The following BACH2 variants were observed in gnomAD, a reference collection of about 807,000 sequenced individuals.
BACH2 encodes the protein transcription regulator protein BACH2.
Under a neutral mutation model 61.8 loss-of-function variants are expected in BACH2, and 5 were observed. The observed-to-expected ratio is 0.08, with a 90% confidence interval of 0.04 to 0.17. The LOEUF (loss-of-function observed/expected upper bound fraction) is 0.17, where lower values mean the gene tolerates loss of function less well. Ranked by LOEUF, BACH2 falls within the 10% of genes least tolerant of loss-of-function variation. The pLI, the probability that BACH2 is intolerant of heterozygous loss-of-function variation, is 1.00. For synonymous variants in BACH2, 446 were observed against 440.1 expected (o/e 1.01, Z -0.17); for missense variants, 824 against 1,091.1 (o/e 0.76, Z 3.45).
chr6:89,947,938 A>G (rs1481753993), intron 7 of BACH2, among the ~76,000 whole-genome samples: 1 of 152,158 alleles, frequency 6.6e-6, no homozygotes, highest in Admixed American at 6.5e-5. Context: ...CAAGGGGGGA[A>G]GGCTAGTCCT....
intron 4 of BACH2, among the ~76,000 whole-genome samples, chr6:90,202,190 T>C (rs1562501372): frequency 6.6e-6 from 1 of 152,162 alleles, no homozygotes; most frequent in Non-Finnish European, 1.5e-5. Flanking sequence ...AGCTGATGTT[T>C]TACCAACTAG....
intron 5 of BACH2, among the ~76,000 whole-genome samples, chr6:90,010,585 A>G (rs1329443052): frequency 3.9e-5 from 6 of 152,248 alleles, no homozygotes; most frequent in Admixed American, 3.3e-4. Flanking sequence ...GGATGGACAT[A>G]TGCTTTCACT....
At chr6:90,158,761 T>G in intron 4 of BACH2, among the ~76,000 whole-genome samples, 1 of 101,890 alleles carries the variant, frequency 9.8e-6, no homozygotes. Context: ...GTGTCTTCTT[T>G]TGGTGGGGGG....
chr6:90,037,875 C>T (rs1779338949), intron 5 of BACH2, among the ~76,000 whole-genome samples: 1 of 152,144 alleles, frequency 6.6e-6, no homozygotes, highest in Admixed American at 6.5e-5. Flanking sequence ...GACAGAGACA[C>T]AGGGAGAACA....
At chr6:90,247,962 T>A (rs572691997) in intron 3 of BACH2, among the ~76,000 whole-genome samples, 1 of 152,266 alleles carries the variant, frequency 6.6e-6, no homozygotes, top group Non-Finnish European at 1.5e-5. Context: ...TCTTATATGT[T>A]ATACTCATCA....
intron 6 of BACH2, among the ~76,000 whole-genome samples, chr6:90,000,223 C>T (rs150854377): frequency 1.9e-3 from 282 of 152,258 alleles, no homozygotes; most frequent in African/African-American, 6.2e-3. Context: ...GCTGCCTTAC[C>T]GCAACTCCAT....
chr6:90,276,369 C>T (rs1194731901), intron 1 of BACH2, among the ~76,000 whole-genome samples: 1 of 152,174 alleles, frequency 6.6e-6, no homozygotes, highest in African/African-American at 2.4e-5. Context: ...GCCTAGTCTG[C>T]TTAAGATCAA....
intron 3 of BACH2, among the ~76,000 whole-genome samples, chr6:90,243,506 C>T (rs1770527310): frequency 6.6e-6 from 1 of 152,088 alleles, no homozygotes; most frequent in African/African-American, 2.4e-5. Flanking sequence ...CTTTAGATCA[C>T]AAAAGTTTTG....
At chr6:89,942,737 C>T (rs982785056) in intron 7 of BACH2, among the ~76,000 whole-genome samples, 5 of 152,170 alleles carry the variant, frequency 3.3e-5, no homozygotes, top group Non-Finnish European at 5.9e-5. Flanking sequence ...AGTGGAGAAT[C>T]GGAGAATCAG....
chr6:90,149,246 T>C (rs1279883605), intron 4 of BACH2, among the ~76,000 whole-genome samples: 1 of 152,226 alleles, frequency 6.6e-6, no homozygotes, highest in Admixed American at 6.5e-5. Flanking sequence ...CCTACATTTT[T>C]TTCCAGCGCT....
At chr6:90,002,305 C>G (rs964010628) in intron 6 of BACH2, among the ~76,000 whole-genome samples, 1 of 152,218 alleles carries the variant, frequency 6.6e-6, no homozygotes, top group Non-Finnish European at 1.5e-5. Flanking sequence ...TCTATCTCCA[C>G]TCACTTCCTT....
chr6:90,147,656 T>C (rs899566043), intron 4 of BACH2, among the ~76,000 whole-genome samples: 2 of 152,146 alleles, frequency 1.3e-5, no homozygotes, highest in Admixed American at 6.5e-5. Flanking sequence ...ATGTGCCAGA[T>C]AGTCAATTAG....
At chr6:90,208,065 T>A (rs1769212205) in intron 3 of BACH2, among the ~76,000 whole-genome samples, 1 of 152,130 alleles carries the variant, frequency 6.6e-6, no homozygotes, top group Admixed American at 6.5e-5. Context: ...CACATGCGGA[T>A]TAAAGACTTA....
At chr6:90,103,411 G>A (rs1319387154) in intron 4 of BACH2, among the ~76,000 whole-genome samples, 1 of 151,982 alleles carries the variant, frequency 6.6e-6, no homozygotes, top group East Asian at 1.9e-4. Context: ...GCATTATCTG[G>A]TTATCGGAGT....
At chr6:90,295,878 A>C in intron 1 of BACH2, among the ~76,000 whole-genome samples, 1 of 151,962 alleles carries the variant, frequency 6.6e-6, no homozygotes, top group African/African-American at 2.4e-5. Context: ...TTGGGCTTTG[A>C]TTCCCCGCCG....
At chr6:90,070,818 T>C (rs1159226452) in intron 5 of BACH2, among the ~76,000 whole-genome samples, 1 of 152,240 alleles carries the variant, frequency 6.6e-6, no homozygotes. Flanking sequence ...TTCAGATATC[T>C]AAATGCAGCT....
chr6:89,960,944 G>C (rs1403607888), intron 6 of BACH2, among the ~76,000 whole-genome samples: 1 of 152,210 alleles, frequency 6.6e-6, no homozygotes, highest in Non-Finnish European at 1.5e-5. Flanking sequence ...ATGGGAACAG[G>C]AGAAGGTCCC....
chr6:89,978,288 A>T (rs567898810), intron 6 of BACH2, among the ~76,000 whole-genome samples: 1 of 152,296 alleles, frequency 6.6e-6, no homozygotes, highest in Admixed American at 6.5e-5. Flanking sequence ...AACTGATACC[A>T]TTACAGGGCA....
At chr6:90,111,700 T>C (rs749290488) in intron 4 of BACH2, among the ~76,000 whole-genome samples, 3 of 152,242 alleles carry the variant, frequency 2.0e-5, no homozygotes, top group African/African-American at 4.8e-5. Flanking sequence ...CTGGATTACA[T>C]AGCTCCATTT....
Sources: gnomAD v4.1 joint callset for allele counts (sites outside exome capture counted in the v4.1 genomes callset) on GRCh38, gnomAD v4.1.1 for gene constraint, MANE v1.5 for transcripts, NCBI Gene and HGNC (gene_info 2026-07-23, HGNC 2026-07-21) for gene names.